Variants in AP1S3 observed in about 807,000 individuals in gnomAD.
AP1S3 encodes the protein adaptor related protein complex 1 subunit sigma 3.
In AP1S3, 10 loss-of-function variants were observed where a neutral mutation model predicts 20.9. That is an observed-to-expected ratio of 0.48 (90% CI 0.29 to 0.81). The LOEUF is 0.81. AP1S3 is among the 30% of genes least tolerant of loss of function. AP1S3 has a pLI of 0.08. For missense variants in AP1S3, 154 were observed against 183.8 expected, an observed-to-expected ratio of 0.84 and a Z score of 0.94; for synonymous variants, 41 against 61.5, an observed-to-expected ratio of 0.67 and a Z score of 1.56.
chr2:223,782,148 G>A (rs1025120217), intron 1 of AP1S3, among the ~76,000 whole-genome samples: 4 of 151,880 alleles, frequency 2.6e-5, no homozygotes, highest in African/African-American at 9.7e-5. Context: ...GAGTAGCTGG[G>A]ATTACAGGCG....
intron 1 of AP1S3, among the ~76,000 whole-genome samples, chr2:223,778,400 A>G (rs1177057098): frequency 6.6e-6 from 1 of 151,694 alleles, no homozygotes; most frequent in South Asian, 2.1e-4. Context: ...TGCTGGGATT[A>G]CAGGCATGAG....
At chr2:223,822,263 C>T (rs191199368) in intron 1 of AP1S3, among the ~76,000 whole-genome samples, 14 of 151,970 alleles carry the variant, frequency 9.2e-5, no homozygotes, top group Non-Finnish European at 1.6e-4. Flanking sequence ...CATGGTGTCA[C>T]GACCTGTAGT....
At chr2:223,820,682 A>AAG (rs1347954279) in intron 1 of AP1S3, among the ~76,000 whole-genome samples, 1 of 151,780 alleles carries the variant, frequency 6.6e-6, no homozygotes, top group Non-Finnish European at 1.5e-5. Flanking sequence ...AAAAAAAAAA[A>AAG]AACAAGCCAG....
chr2:223,808,823 T>A (rs1426850589), intron 1 of AP1S3, among the ~76,000 whole-genome samples: 1 of 152,066 alleles, frequency 6.6e-6, no homozygotes, highest in Non-Finnish European at 1.5e-5. Context: ...CTGGGCAACA[T>A]GGCGAAACCC....
intron 1 of AP1S3, among the ~76,000 whole-genome samples, chr2:223,836,483 T>A (rs562063423): frequency 6.6e-6 from 1 of 152,166 alleles, no homozygotes; most frequent in African/African-American, 2.4e-5. Flanking sequence ...CTCACCCCTG[T>A]AATCCCTACA....
At chr2:223,764,989 A>G in intron 4 of AP1S3, 1 of 524,250 alleles carries the variant, frequency 1.9e-6, no homozygotes, top group Non-Finnish European at 3.1e-6. Flanking sequence ...CAGGTCATTT[A>G]ACCTCTTGGT....
chr2:223,768,305 T>A (rs1311928172), intron 3 of AP1S3, among the ~76,000 whole-genome samples: 2 of 152,200 alleles, frequency 1.3e-5, no homozygotes, highest in Non-Finnish European at 2.9e-5. Flanking sequence ...CAAGCTCATT[T>A]TTTCAAGGCC....
chr2:223,824,650 G>A (rs1220406662), intron 1 of AP1S3, among the ~76,000 whole-genome samples: 1 of 152,092 alleles, frequency 6.6e-6, no homozygotes, highest in Non-Finnish European at 1.5e-5. Context: ...TGATTCTCCT[G>A]CCTCAGCCTC....
chr2:223,819,365 T>G (rs529121670), intron 1 of AP1S3, among the ~76,000 whole-genome samples: 5 of 152,332 alleles, frequency 3.3e-5, no homozygotes, highest in African/African-American at 9.6e-5. Context: ...GAAATAACCT[T>G]TCTTTACATC....
chr2:223,768,253 T>C (rs1559276058), intron 3 of AP1S3, among the ~76,000 whole-genome samples: 1 of 152,222 alleles, frequency 6.6e-6, no homozygotes, highest in Admixed American at 6.5e-5. Context: ...TCTTGAATTG[T>C]GTCCCCAAAT....
chr2:223,824,002 G>A (rs376719787), intron 1 of AP1S3, among the ~76,000 whole-genome samples: 4 of 152,180 alleles, frequency 2.6e-5, no homozygotes, highest in South Asian at 4.1e-4. Flanking sequence ...ACGGTTTGTC[G>A]TTGTTTTTGT....
chr2:223,787,361 A>G (rs922784203), intron 1 of AP1S3, among the ~76,000 whole-genome samples: 14 of 152,240 alleles, frequency 9.2e-5, no homozygotes, highest in African/African-American at 3.4e-4. Context: ...AAATATTTAT[A>G]GACATCTGCA....
chr2:223,772,604 G>A (rs987062634), intron 3 of AP1S3, among the ~76,000 whole-genome samples: 6 of 152,006 alleles, frequency 3.9e-5, no homozygotes, highest in Admixed American at 2.0e-4. Flanking sequence ...ACTGAAGATC[G>A]GAAGATTAAC....
At chr2:223,776,563 C>T (rs1690788930) in intron 2 of AP1S3, among the ~76,000 whole-genome samples, 1 of 152,108 alleles carries the variant, frequency 6.6e-6, no homozygotes, top group Non-Finnish European at 1.5e-5. Flanking sequence ...TTATAAACAC[C>T]CTTTGCAAGA....
chr2:223,800,574 A>G lies in AP1S3; in HGVS notation c.4-22705T>C, dbSNP rs554036974. On this transcript the variant is annotated intron_variant, in intron 1 of 4. Transcript: ENST00000396654. ...ATATAATTTATCACACCAACAGGCT[A>G]AAAAAGAAAAATCACATGATTATAT... Among the ~76,000 whole-genome samples the G allele has an allele frequency of 3.3e-5, 5 of 152,296 alleles. No individual in the cohort carries two copies. In the East Asian group the frequency reaches 9.6e-4, roughly 29 times the overall value.
chr2:223,788,762 TA>T (rs778744960), intron 1 of AP1S3, among the ~76,000 whole-genome samples: 3,369 of 110,066 alleles, frequency 0.031, 49 homozygotes, highest in Non-Finnish European at 0.042. Context: ...AGACTCTGTC[TA>T]AAAAAAAAAA....
At chr2:223,823,567 G>A (rs1354588365) in intron 1 of AP1S3, among the ~76,000 whole-genome samples, 1 of 152,196 alleles carries the variant, frequency 6.6e-6, no homozygotes, top group African/African-American at 2.4e-5. Context: ...GAGTAGAATA[G>A]TGGTTACCAG....
chr2:223,756,770 G>T lies in AP1S3; in HGVS notation c.*1945C>A, dbSNP rs1271782927. The T allele has an allele frequency of 5.1e-6, 5 of 985,164 alleles. No homozygotes were observed. The highest frequency in any genetic ancestry group is 6.0e-6 in the Non-Finnish European group (5 of 829,918). 61.0% of individuals were successfully genotyped at this position (985,164 alleles called of 1,614,324 possible). On this transcript the variant is annotated 3_prime_UTR_variant, in exon 5 of 5. Transcript: ENST00000396654. ...TTTCCCTAAATATGTCTGCTGAGATGAACTAAAGAGAACATTTTTCCATCG... is the reference window on the plus strand; with the variant it reads ...TTTCCCTAAATATGTCTGCTGAGATTAACTAAAGAGAACATTTTTCCATCG...
At position 223,780,042 on chromosome 2, in the gene AP1S3, C is replaced by G. The variant is rs1190622080; in HGVS notation, c.4-2173G>C. Among the ~76,000 whole-genome samples the G allele has an allele frequency of 2.0e-5, 3 of 151,718 alleles. No homozygotes were observed. The East Asian group carries it at 5.8e-4, about 29-fold the overall frequency. On this transcript the variant is annotated intron_variant, in intron 1 of 4. Transcript: ENST00000396654. Reference sequence around the variant, plus strand: ...TGCCACGACATAAATCATTACAACCCACTAGGTGGCGATATCTGAGGGTCC... The same window carrying G: ...TGCCACGACATAAATCATTACAACCGACTAGGTGGCGATATCTGAGGGTCC...
Sources: allele counts gnomAD v4.1 joint callset (sites outside exome capture counted in the v4.1 genomes callset), GRCh38; gene constraint gnomAD v4.1.1; transcripts MANE v1.5; gene names NCBI Gene and HGNC (gene_info 2026-07-23, HGNC 2026-07-21).